The following SLC35F3 variants were observed in gnomAD, a reference collection of about 807,000 sequenced individuals.
The protein encoded by SLC35F3 is solute carrier family 35 member F3.
A neutral mutation model predicts 49.9 loss-of-function variants in SLC35F3; 25 were observed. That is an observed-to-expected ratio of 0.50 (90% CI 0.37 to 0.70). The LOEUF is 0.70. SLC35F3 is among the 30% of genes least tolerant of loss of function. The pLI is 0.00. For synonymous variants in SLC35F3, 275 were observed against 265.4 expected, an observed-to-expected ratio of 1.04 and a Z score of -0.35; for missense variants, 525 against 639.8, an observed-to-expected ratio of 0.82 and a Z score of 1.94.
At chr1:234,234,441 C>T (rs1241964025) in intron 3 of SLC35F3, among the ~76,000 whole-genome samples, 2 of 152,116 alleles carry the variant, frequency 1.3e-5, no homozygotes, top group African/African-American at 4.8e-5. Context: ...TGTGAGGCTC[C>T]CTGGGGTCTT....
chr1:234,267,491 G>T (rs1416910348), intron 3 of SLC35F3, among the ~76,000 whole-genome samples: 8 of 147,814 alleles, frequency 5.4e-5, no homozygotes, highest in African/African-American at 7.6e-5. Flanking sequence ...GGATGGGGCG[G>T]CTGGCCGGGC....
chr1:234,240,499 G>A (rs1057355644), intron 3 of SLC35F3, among the ~76,000 whole-genome samples: 1 of 152,074 alleles, frequency 6.6e-6, no homozygotes, highest in Non-Finnish European at 1.5e-5. Context: ...CAGCTACTTG[G>A]GAGGCTGAGA....
chr1:234,321,150 CG>C (rs1657611682), intron 7 of SLC35F3, among the ~76,000 whole-genome samples: 1 of 151,976 alleles, frequency 6.6e-6, no homozygotes, highest in South Asian at 2.1e-4. Flanking sequence ...GGTTTCCCAC[CG>C]CTCCCATTCC....
At chr1:234,061,551 T>A (rs1482028898) in intron 2 of SLC35F3, among the ~76,000 whole-genome samples, 2 of 151,976 alleles carry the variant, frequency 1.3e-5, no homozygotes, top group Non-Finnish European at 2.9e-5. Context: ...TTTTTTCTGC[T>A]CTTTTCTCTC....
rs76741275 is a variant in SLC35F3, at chr1:234,162,367, A to G, written c.284-69050A>G. Among the ~76,000 whole-genome samples the G allele has an allele frequency of 9.7e-3, 1,263 of 130,502 alleles. 29 individuals are homozygous for G. Among genetic ancestry groups the G allele is most frequent in the African/African-American group, 0.036 (1,176 of 32,278 alleles). 85.6% of individuals were successfully genotyped at this position (130,502 alleles called of 152,430 possible). A position where few individuals can be genotyped will look rare whatever the true frequency, so the allele number is the denominator to read the frequency against. On this transcript the variant is annotated intron_variant, in intron 2 of 7. Coordinates refer to ENST00000366618, the MANE Select transcript of SLC35F3 (RefSeq NM_173508.4). ...ATTTCATGGATTCCAGGAACATTCA[A>G]CTAAGCCTCTGTGCAAAAAAAAAAA... is the stretch of plus-strand genomic sequence containing the variant.
At chr1:234,285,383 C>G (rs1015419968) in intron 3 of SLC35F3, 4 of 471,420 alleles carry the variant, frequency 8.5e-6, no homozygotes, top group South Asian at 6.1e-5. Flanking sequence ...TATCTCAAGC[C>G]AAGAGAGATG....
chr1:234,183,582 T>G lies in SLC35F3; in HGVS notation c.284-47835T>G, dbSNP rs529695891. Reference sequence around the variant, plus strand: ...ATATGCATAAATACGTAGCAGGCTGTATCCTTTTTCATTAAACGATACTGT... The same window carrying G: ...ATATGCATAAATACGTAGCAGGCTGGATCCTTTTTCATTAAACGATACTGT... On this transcript the variant is annotated intron_variant, in intron 2 of 7. Coordinates refer to ENST00000366618, the MANE Select transcript of SLC35F3 (RefSeq NM_173508.4). Among the ~76,000 whole-genome samples the G allele has an allele frequency of 4.9e-4, 70 of 142,928 alleles. 13 individuals are homozygous for G. The South Asian group carries it at 0.013, about 26-fold the overall frequency. 93.8% of individuals were successfully genotyped at this position (142,928 alleles called of 152,430 possible). A position where few individuals can be genotyped will look rare whatever the true frequency, so the allele number is the denominator to read the frequency against.
chr1:234,105,466 A>T (rs1168594431), intron 2 of SLC35F3, among the ~76,000 whole-genome samples: 1 of 152,148 alleles, frequency 6.6e-6, no homozygotes, highest in African/African-American at 2.4e-5. Flanking sequence ...TCTCTTTCAG[A>T]TGGGGCTTTG....
chr1:234,133,411 G>A (rs1422702012), intron 2 of SLC35F3, among the ~76,000 whole-genome samples: 1 of 152,096 alleles, frequency 6.6e-6, no homozygotes, highest in Admixed American at 6.6e-5. Flanking sequence ...CACACTACAT[G>A]GAAGACCAAG....
At chr1:234,082,695 A>C (rs149468478) in intron 2 of SLC35F3, among the ~76,000 whole-genome samples, 5,175 of 152,268 alleles carry the variant, frequency 0.034, 291 homozygotes, top group African/African-American at 0.11. Context: ...TCACAGTTTC[A>C]TGTGGCTGGG....
intron 2 of SLC35F3, among the ~76,000 whole-genome samples, chr1:234,122,289 T>A (rs12143142): frequency 1.3e-5 from 2 of 152,168 alleles, no homozygotes; most frequent in Non-Finnish European, 2.9e-5. Context: ...ATCTGAAAAC[T>A]TTGACGTCTG....
chr1:234,012,997 G>A (rs1008679256), intron 2 of SLC35F3, among the ~76,000 whole-genome samples: 11 of 152,080 alleles, frequency 7.2e-5, no homozygotes, highest in Admixed American at 5.2e-4. Context: ...TAAAAGACAC[G>A]TACAGAACAT....
intron 2 of SLC35F3, among the ~76,000 whole-genome samples, chr1:234,011,393 A>G (rs2102837697): frequency 6.6e-6 from 1 of 152,330 alleles, no homozygotes; most frequent in East Asian, 1.9e-4. Context: ...ATGCTTTGCG[A>G]ATATTTATTT....
At chr1:234,161,582 T>C (rs889980450) in intron 2 of SLC35F3, among the ~76,000 whole-genome samples, 5 of 151,848 alleles carry the variant, frequency 3.3e-5, no homozygotes, top group Admixed American at 3.3e-4. Context: ...AGAAACCCCA[T>C]CTCTACAAAA....
chr1:234,231,386 G>A lies in SLC35F3; in HGVS notation c.284-31G>A. On this transcript the variant is annotated intron_variant, in intron 2 of 7. Coordinates refer to ENST00000366618, the MANE Select transcript of SLC35F3 (RefSeq NM_173508.4). This position sits in a 1 kb window ranked among gnomAD's most constrained non-coding sequence, Gnocchi z 5.4. ...GAAGTGCAGGGGTGAAGGTCTGCAG[G>A]CCCCGCTAACCACGCCCTTCTCTTC... is the stretch of plus-strand genomic sequence containing the variant. The A allele has an allele frequency of 6.8e-7, 1 of 1,463,010 alleles. No individual in the cohort carries two copies. The highest frequency in any genetic ancestry group is 2.5e-5 in the East Asian group (1 of 40,352). The allele number at this position is 1,463,010 out of a possible 1,614,324, so 90.6% of individuals were successfully genotyped here. A position where few individuals can be genotyped will look rare whatever the true frequency, so the allele number is the denominator to read the frequency against.
intron 2 of SLC35F3, among the ~76,000 whole-genome samples, chr1:234,012,433 G>A (rs1017017646): frequency 4.6e-5 from 7 of 152,166 alleles, no homozygotes; most frequent in African/African-American, 1.2e-4. Context: ...CTCATCCCAC[G>A]AGGCCATATT....
chr1:233,922,667 C>T (rs1662084856), intron 2 of SLC35F3, among the ~76,000 whole-genome samples: 1 of 152,062 alleles, frequency 6.6e-6, no homozygotes, highest in Non-Finnish European at 1.5e-5. Context: ...TCCCATTTGT[C>T]AATTTTGGCT....
intron 2 of SLC35F3, among the ~76,000 whole-genome samples, chr1:233,923,707 G>A (rs902951759): frequency 3.9e-5 from 6 of 152,196 alleles, no homozygotes; most frequent in South Asian, 2.1e-4. Flanking sequence ...GGTGAGAGAG[G>A]GCATCCCTGT....
chr1:234,135,413 A>T (rs1289807281), intron 2 of SLC35F3, among the ~76,000 whole-genome samples: 1 of 152,224 alleles, frequency 6.6e-6, no homozygotes, highest in Admixed American at 6.5e-5. Flanking sequence ...GCATCAGGAT[A>T]TGGAATAGTG....
Sources: gnomAD v4.1 joint callset for allele counts (sites outside exome capture counted in the v4.1 genomes callset) on GRCh38, gnomAD v4.1.1 for gene constraint, Gnocchi (gnomAD v3.1) non-coding constraint, MANE v1.5 for transcripts, NCBI Gene and HGNC (gene_info 2026-07-23, HGNC 2026-07-21) for gene names.